The following ADAM22 variants were observed in gnomAD, a reference collection of about 807,000 sequenced individuals.
The protein encoded by ADAM22 is ADAM metallopeptidase domain 22, also known as disintegrin and metalloproteinase domain-containing protein 22.
ADAM22 carries 65 observed loss-of-function variants against 144.6 expected under a neutral mutation model. The observed-to-expected ratio is 0.45, with a 90% confidence interval of 0.37 to 0.55. The LOEUF (loss-of-function observed/expected upper bound fraction) is 0.55, where lower values mean the gene tolerates loss of function less well. Ranked by LOEUF, ADAM22 falls within the 20% of genes least tolerant of loss-of-function variation. The pLI, the probability that ADAM22 is intolerant of heterozygous loss-of-function variation, is 0.00. For missense variants in ADAM22, 974 were observed against 1,184.9 expected, an observed-to-expected ratio of 0.82 and a Z score of 2.61; for synonymous variants, 391 against 412.6, an observed-to-expected ratio of 0.95 and a Z score of 0.63.
At chr7:88,060,914 G>T (rs1428532207) in intron 3 of ADAM22, among the ~76,000 whole-genome samples, 2 of 151,996 alleles carry the variant, frequency 1.3e-5, no homozygotes, top group Non-Finnish European at 2.9e-5. Context: ...GACCAGCCTG[G>T]CCAACATGGT....
chr7:88,058,889 C>T (rs1809003471), intron 3 of ADAM22, among the ~76,000 whole-genome samples: 1 of 152,132 alleles, frequency 6.6e-6, no homozygotes, highest in Non-Finnish European at 1.5e-5. Flanking sequence ...GTTAGAAGCC[C>T]AGCTAAGTTT....
chr7:88,068,352 T>G (rs1171327716), intron 3 of ADAM22, among the ~76,000 whole-genome samples: 3 of 152,200 alleles, frequency 2.0e-5, no homozygotes, highest in Non-Finnish European at 4.4e-5. Flanking sequence ...CCAGTTCTCT[T>G]CTTCTGGAGA....
intron 2 of ADAM22, among the ~76,000 whole-genome samples, chr7:87,970,923 T>C (rs938306264): frequency 6.6e-6 from 1 of 152,192 alleles, no homozygotes; most frequent in Non-Finnish European, 1.5e-5. Context: ...TATTTTATAT[T>C]TTTGCATTTT....
intron 3 of ADAM22, 81 bp downstream of exon 3, chr7:87,978,493 A>G (rs970685426): frequency 4.1e-6 from 5 of 1,232,190 alleles, no homozygotes; most frequent in African/African-American, 3.0e-5. Context: ...TTTTCTTACT[A>G]TATTTTACTT....
chr7:88,147,556 G>A (rs1036883903), intron 17 of ADAM22, among the ~76,000 whole-genome samples: 3 of 152,210 alleles, frequency 2.0e-5, no homozygotes, highest in Non-Finnish European at 4.4e-5. Context: ...TAGGCAATCA[G>A]TGAAGTTTGA....
At chr7:88,186,105 T>C (rs913387723) in intron 29 of ADAM22, 2 of 168,470 alleles carry the variant, frequency 1.2e-5, no homozygotes, top group Non-Finnish European at 2.5e-5. Flanking sequence ...AGACCCTCTA[T>C]AGAGAGTAAG....
chr7:88,068,797 C>T (rs1811955452), intron 3 of ADAM22, among the ~76,000 whole-genome samples: 1 of 152,118 alleles, frequency 6.6e-6, no homozygotes, highest in Non-Finnish European at 1.5e-5. Context: ...TGATTCTCCT[C>T]CACATGGTCT....
chr7:88,114,674 C>A, intron 6 of ADAM22, 27 bp downstream of exon 6: 1 of 1,608,402 alleles, frequency 6.2e-7, no homozygotes, highest in Non-Finnish European at 8.5e-7. Context: ...TTTGTTGTGG[C>A]AAATGGAAAT....
At position 88,148,810 on chromosome 7, in the gene ADAM22, C is replaced by T. The variant is rs571004480; in HGVS notation, c.1486-167C>T. On this transcript the variant is annotated intron_variant, in intron 17 of 31. Coordinates refer to ENST00000413139, the MANE Select transcript of ADAM22 (RefSeq NM_001324418.2). ...ATACACAAGAAACTGTTTCTTAAAA[C>T]TATTAAAATAAAATTTTTTTCAGTA... 3.1e-4 allele frequency among the ~76,000 whole-genome samples: 47 copies of T among 152,236 alleles called. No homozygotes were observed. In the South Asian group the frequency reaches 9.8e-3, roughly 32 times the overall value.
intron 3 of ADAM22, among the ~76,000 whole-genome samples, chr7:88,039,653 A>G (rs1438456447): frequency 1.3e-5 from 2 of 150,074 alleles, no homozygotes; most frequent in South Asian, 2.1e-4. Context: ...GTCTGTGTTT[A>G]GTATGACCAG....
chr7:88,007,969 A>C (rs1446941980), intron 3 of ADAM22, among the ~76,000 whole-genome samples: 1 of 152,214 alleles, frequency 6.6e-6, no homozygotes, highest in African/African-American at 2.4e-5. Flanking sequence ...GGCAACCTAC[A>C]AAATGGGAGA....
chr7:87,952,357 G>T (rs549046427), intron 2 of ADAM22, among the ~76,000 whole-genome samples: 3 of 151,496 alleles, frequency 2.0e-5, no homozygotes, highest in African/African-American at 7.3e-5. Flanking sequence ...ATGAAGGGCT[G>T]TTGAATTTTG....
chr7:88,146,490 A>G (rs1045239793), intron 17 of ADAM22, among the ~76,000 whole-genome samples: 3 of 152,170 alleles, frequency 2.0e-5, no homozygotes, highest in Non-Finnish European at 4.4e-5. Context: ...TTGTAAGGGT[A>G]TGTCTTGTGC....
chr7:88,006,365 A>G lies in ADAM22; in HGVS notation c.323+27953A>G, dbSNP rs577654649. ...CATTCCTTCTGAAACTATTCCAATC[A>G]ACAGAAAAAGAGGGAATCCTCCCTA... On this transcript the variant is annotated intron_variant, in intron 3 of 31. Transcript: ENST00000413139. Among the ~76,000 whole-genome samples the G allele has an allele frequency of 3.3e-5, 5 of 151,964 alleles. 1 individual carries two copies. Among genetic ancestry groups the G allele is most frequent in the Admixed American group, 3.3e-4 (5 of 15,242 alleles).
At chr7:88,088,637 G>C (rs1819046514) in intron 4 of ADAM22, among the ~76,000 whole-genome samples, 1 of 152,110 alleles carries the variant, frequency 6.6e-6, no homozygotes, top group African/African-American at 2.4e-5. Flanking sequence ...TTGAACAGCA[G>C]TGATAGAAAA....
chr7:88,168,317 G>GCAA, intron 25 of ADAM22, 90 bp downstream of exon 25: 1 of 1,279,178 alleles, frequency 7.8e-7, no homozygotes, highest in Non-Finnish European at 1.1e-6. Flanking sequence ...TTGTATCATT[G>GCAA]GTTGAATATA....
intron 3 of ADAM22, among the ~76,000 whole-genome samples, chr7:88,061,620 C>T (rs1809878399): frequency 6.6e-6 from 1 of 152,066 alleles, no homozygotes; most frequent in Non-Finnish European, 1.5e-5. Flanking sequence ...CAGTAGATCT[C>T]AATGACGGGC....
chr7:87,935,024 A>G lies in ADAM22; in HGVS notation c.86-2A>G, dbSNP rs1295225621. On this transcript the variant is annotated splice_acceptor_variant, in intron 1 of 31. Coordinates refer to ENST00000413139, the MANE Select transcript of ADAM22 (RefSeq NM_001324418.2). LOFTEE classifies it high-confidence loss of function. ...CCCTCCTTTCCCGGTTCCTGCCTGG[A>G]GGAGACGCCTCATTGATGGAGCTAG... 1.9e-6 allele frequency: 3 copies of G among 1,614,016 alleles called. No individual in the cohort carries two copies. Among genetic ancestry groups the G allele is most frequent in the South Asian group, 1.1e-5 (1 of 91,070 alleles).
At chr7:87,980,287 C>CTTTTTTTTTTTTTTTTTTT (rs71120015) in intron 3 of ADAM22, among the ~76,000 whole-genome samples, 9 of 118,396 alleles carry the variant, frequency 7.6e-5, no homozygotes, top group South Asian at 2.4e-4. Context: ...GCACTGTGCT[C>CTTTTTTTTTTTTTTTTTTT]TTTTTTTTTT....
Sources: gnomAD v4.1 joint callset for allele counts (sites outside exome capture counted in the v4.1 genomes callset) on GRCh38, gnomAD v4.1.1 for gene constraint, MANE v1.5 for transcripts, NCBI Gene and HGNC (gene_info 2026-07-23, HGNC 2026-07-21) for gene names.